The following TLK2 variants were observed in gnomAD, a reference collection of about 807,000 sequenced individuals.
TLK2 encodes serine/threonine-protein kinase tousled-like 2.
TLK2 carries 6 observed loss-of-function variants against 117.3 expected under a neutral mutation model. That is an observed-to-expected ratio of 0.05 (90% CI 0.03 to 0.10). The LOEUF (loss-of-function observed/expected upper bound fraction) is 0.10. Among genes scored for constraint, TLK2 ranks in the 10% least tolerant of loss-of-function variants. The pLI, the probability that TLK2 is intolerant of heterozygous loss-of-function variation, is 1.00. For synonymous variants in TLK2, 257 were observed against 316.7 expected (o/e 0.81, Z 2.00); for missense variants, 299 against 901.2 (o/e 0.33, Z 8.56).
chr17:62,604,760 T>C (rs1171285352), intron 19 of TLK2, among the ~76,000 whole-genome samples: 1 of 150,582 alleles, frequency 6.6e-6, no homozygotes. Context: ...AATAAAAAAA[T>C]TAGCTGGGCG....
chr17:62,481,243 C>G (rs766594574), intron 2 of TLK2, 37 bp downstream of exon 2: 25 of 1,605,104 alleles, frequency 1.6e-5, no homozygotes, highest in Non-Finnish European at 2.1e-5. Context: ...TATTCATATT[C>G]TAATTTAAAC....
intron 6 of TLK2, among the ~76,000 whole-genome samples, chr17:62,527,623 T>C (rs925323740): frequency 1.3e-5 from 2 of 152,186 alleles, no homozygotes; most frequent in Admixed American, 6.5e-5. Context: ...GGTTTATCCA[T>C]TTCATTGTGT....
rs556000954 is a variant in TLK2 at position 62,600,765 on chromosome 17, T to C, written c.1665T>C (p.Ala555=). The part of the protein sequence containing the change: ...ARSIIMQIVN[A]LKYLNEIKPP... Reference sequence around the variant, plus strand: ...CCATTATCATGCAGATTGTGAATGCTTTAAAGTACTTAAATGAAATAAAAC... The same window carrying C: ...CCATTATCATGCAGATTGTGAATGCCTTAAAGTACTTAAATGAAATAAAAC... The change falls in exon 18 of 22, where the codon GCT becomes GCC. Residue 555 remains alanine, a synonymous_variant. Transcript: ENST00000346027. The C allele has an allele frequency of 6.2e-7, 1 of 1,613,630 alleles. No homozygotes were observed. Among genetic ancestry groups the C allele is most frequent in the Non-Finnish European group, 8.5e-7 (1 of 1,179,810 alleles).
chr17:62,472,521 G>A (rs1346890657), intron 1 of TLK2, among the ~76,000 whole-genome samples: 3 of 151,880 alleles, frequency 2.0e-5, no homozygotes, highest in African/African-American at 7.2e-5. Flanking sequence ...GGTGGATCAC[G>A]AGGTCGGGAG....
chr17:62,585,269 G>C (rs990460140), intron 15 of TLK2, among the ~76,000 whole-genome samples: 6 of 152,218 alleles, frequency 3.9e-5, no homozygotes, highest in African/African-American at 1.4e-4. Flanking sequence ...TCGGCCAGGC[G>C]CAGTGGCTCA....
At chr17:62,495,701 C>T (rs1034912242) in intron 2 of TLK2, among the ~76,000 whole-genome samples, 2 of 150,610 alleles carry the variant, frequency 1.3e-5, no homozygotes, top group Admixed American at 6.6e-5. Flanking sequence ...CTCTGTCACC[C>T]AGGCTGGAGG....
At chr17:62,601,747 G>A (rs2082891345) in intron 18 of TLK2, among the ~76,000 whole-genome samples, 1 of 152,194 alleles carries the variant, frequency 6.6e-6, no homozygotes, top group South Asian at 2.1e-4. Flanking sequence ...TTTCCCATCA[G>A]TTTTGACCAA....
intron 15 of TLK2, among the ~76,000 whole-genome samples, chr17:62,584,039 A>C (rs1030093151): frequency 6.6e-6 from 1 of 152,004 alleles, no homozygotes; most frequent in Non-Finnish European, 1.5e-5. Context: ...TAGTTAGAGA[A>C]AATTATGCTT....
At chr17:62,491,828 C>T (rs1028825821) in intron 2 of TLK2, among the ~76,000 whole-genome samples, 6 of 152,214 alleles carry the variant, frequency 3.9e-5, no homozygotes, top group African/African-American at 1.4e-4. Context: ...TCATGATCCA[C>T]CCGTCTTGGC....
chr17:62,516,844 G>A, intron 2 of TLK2: 2 of 948,126 alleles, frequency 2.1e-6, no homozygotes, highest in Non-Finnish European at 3.2e-6. Context: ...GATGTGTTTT[G>A]AGTTAATTTT....
At chr17:62,529,390 C>G (rs924267523) in intron 6 of TLK2, among the ~76,000 whole-genome samples, 19 of 152,160 alleles carry the variant, frequency 1.2e-4, no homozygotes, top group Non-Finnish European at 2.2e-4. Context: ...GCATGCATCA[C>G]CATGCCGAGA....
intron 9 of TLK2, among the ~76,000 whole-genome samples, chr17:62,558,601 C>T (rs1297506246): frequency 2.6e-5 from 4 of 152,196 alleles, no homozygotes; most frequent in Non-Finnish European, 5.9e-5. Flanking sequence ...CAAGGGAACA[C>T]TCACCTTATG....
chr17:62,480,400 C>T (rs1450389867), intron 1 of TLK2, among the ~76,000 whole-genome samples: 1 of 152,144 alleles, frequency 6.6e-6, no homozygotes, highest in African/African-American at 2.4e-5. Flanking sequence ...TCCTCCTGCC[C>T]CTCCCTGCTT....
rs1211084041 is a variant in TLK2, at chr17:62,608,118, G to A, written c.2049G>A (p.Pro683=). Reference sequence around the variant, plus strand: ...TTAAAGCTACTGAAGTGCAGTTCCCGCCAAAGCCAGTAGTAACACCTGAAG... The same window carrying A: ...TTAAAGCTACTGAAGTGCAGTTCCCACCAAAGCCAGTAGTAACACCTGAAG... ...TILKATEVQF[P]PKPVVTPEAK... Residue 683 remains proline (P), a synonymous_variant, in exon 21 of 22, where the codon CCG becomes CCA. Transcript: ENST00000346027. The A allele has an allele frequency of 4.3e-6, 7 of 1,613,742 alleles. No homozygotes were observed. In the East Asian group the frequency reaches 6.7e-5, roughly 15 times the overall value.
In TLK2 at chr17:62,524,312, C is replaced by G. The variant is rs2076235521; in HGVS notation, c.344C>G (p.Ser115Cys). 6.2e-7 allele frequency: 1 copy of G among 1,613,448 alleles called. No individual in the cohort carries two copies. The highest frequency in any genetic ancestry group is 1.7e-5 in the Admixed American group (1 of 59,922). Residue 115 changes from serine to cysteine, a missense_variant, in exon 6 of 22, where the codon TCC becomes TGC. Coordinates refer to ENST00000346027, the MANE Select transcript of TLK2 (RefSeq NM_006852.6). ...GTTGCACGATCCTCACCGCAACATT[C>G]CTTATCCAATCCCTTACCGGTAAGC... ...PPVARSSPQHSLSNPLPRRVE... is the reference protein window; with the variant it reads ...PPVARSSPQHCLSNPLPRRVE...
intron 10 of TLK2, among the ~76,000 whole-genome samples, chr17:62,560,729 C>A (rs1483712887): frequency 1.3e-5 from 2 of 150,940 alleles, no homozygotes; most frequent in African/African-American, 4.9e-5. Flanking sequence ...TCTCAGCACA[C>A]TGTAGCCTTC....
intron 2 of TLK2, among the ~76,000 whole-genome samples, chr17:62,483,475 T>C (rs2071942699): frequency 6.6e-6 from 1 of 152,222 alleles, no homozygotes; most frequent in Non-Finnish European, 1.5e-5. Context: ...AGAAGTTCTC[T>C]GTACAGAAAA....
In TLK2 at chr17:62,560,114, C is replaced by A. The variant is rs2079144978; in HGVS notation, c.819C>A (p.Leu273=). 5 of 1,606,562 alleles carry A rather than the reference C, an allele frequency of 3.1e-6. No individual in the cohort carries two copies. Among genetic ancestry groups the A allele is most frequent in the South Asian group, 1.1e-5 (1 of 89,584 alleles). Residue 273 remains leucine (L), a synonymous_variant, in exon 10 of 22, where the codon CTC becomes CTA. Transcript: ENST00000346027. ...GATGTGTGACAATGAGCAAGAAACT[C>A]CTTATAGAAAAGGTTAGTGAATAAT... is the stretch of plus-strand genomic sequence containing the variant. The part of the protein sequence containing the change: ...LNRCVTMSKK[L]LIEKSKQEKM...
At chr17:62,523,089 A>G (rs774881186) in intron 4 of TLK2, 45 bp from the exon 5 acceptor site, 6 of 1,547,860 alleles carry the variant, frequency 3.9e-6, no homozygotes, top group Non-Finnish European at 5.2e-6. Flanking sequence ...ATGATGGTTT[A>G]TATGTGTATT....
Sources: gnomAD v4.1 joint callset for allele counts (sites outside exome capture counted in the v4.1 genomes callset) on GRCh38, gnomAD v4.1.1 for gene constraint, MANE v1.5 for transcripts, NCBI Gene and HGNC (gene_info 2026-07-23, HGNC 2026-07-21) for gene names.